Variants in VPS26A observed in about 807,000 individuals in gnomAD.
The protein encoded by VPS26A is VPS26 retromer complex component A, also known as vacuolar protein sorting-associated protein 26A.
VPS26A carries 22 observed loss-of-function variants against 42.4 expected under a neutral mutation model. That is an observed-to-expected ratio of 0.52 (90% confidence interval 0.37 to 0.74). VPS26A has a LOEUF of 0.74. VPS26A is among the 30% of genes least tolerant of loss of function. The probability of loss-of-function intolerance (pLI) is 0.00; values close to 1 mark genes in which losing one functional copy is unlikely to be tolerated. For synonymous variants in VPS26A, 110 were observed against 123.5 expected (o/e 0.89, Z 0.73); for missense variants, 276 against 379.2 (o/e 0.73, Z 2.26).
In VPS26A at chr10:69,148,537, C is replaced by T. The variant is rs192023584; in HGVS notation, c.154-7275C>T. The stretch of plus-strand genomic sequence containing the variant: ...GTTGGAAACTAATTTTGGATAATCA[C>T]AATATCCAGCAACAATAATATACAG... On this transcript the variant is annotated intron_variant, in intron 2 of 8. Transcript: ENST00000263559. Among the ~76,000 whole-genome samples the T allele has an allele frequency of 1.4e-4, 21 of 152,248 alleles. 1 individual carries two copies. The highest frequency in any genetic ancestry group is 2.6e-4 in the Non-Finnish European group (18 of 68,008).
At chr10:69,168,871 G>A (rs1452565406) in intron 8 of VPS26A, among the ~76,000 whole-genome samples, 1 of 151,902 alleles carries the variant, frequency 6.6e-6, no homozygotes, top group Non-Finnish European at 1.5e-5. Context: ...TCTCTTACAA[G>A]TTCTTTTGTT....
chr10:69,128,866 C>A lies in VPS26A; in HGVS notation c.4-4032C>A, dbSNP rs1840714724. Among the ~76,000 whole-genome samples, 2 of 151,666 alleles carry A rather than the reference C, an allele frequency of 1.3e-5. 1 individual carries two copies. The highest frequency in any genetic ancestry group is 4.2e-4 in the South Asian group (2 of 4,800). The stretch of plus-strand genomic sequence containing the variant: ...TAAAAACGAGCCAGGTGTTGTGGCT[C>A]ACGCCTGTAGTCCCAGCTACTTGGG... On this transcript the variant is annotated intron_variant, in intron 1 of 8. Transcript: ENST00000263559.
intron 2 of VPS26A, among the ~76,000 whole-genome samples, chr10:69,136,062 T>G (rs912023852): frequency 2.0e-5 from 3 of 152,176 alleles, no homozygotes; most frequent in Non-Finnish European, 4.4e-5. Context: ...CAATATCTGT[T>G]GAAGAACACT....
intron 2 of VPS26A, among the ~76,000 whole-genome samples, chr10:69,137,451 A>G (rs566583601): frequency 6.6e-6 from 1 of 152,258 alleles, no homozygotes; most frequent in East Asian, 1.9e-4. Flanking sequence ...TTGTTGTGCT[A>G]TGACTGATAC....
At chr10:69,169,757 C>T (rs1372739218) in intron 8 of VPS26A, among the ~76,000 whole-genome samples, 1 of 151,878 alleles carries the variant, frequency 6.6e-6, no homozygotes, top group African/African-American at 2.4e-5. Context: ...TATAGGTATG[C>T]ACCACCACAC....
chr10:69,161,255 C>T (rs1841555898), intron 5 of VPS26A, among the ~76,000 whole-genome samples: 1 of 151,966 alleles, frequency 6.6e-6, no homozygotes, highest in African/African-American at 2.4e-5. Context: ...GAGATTACAT[C>T]CCCCTATGTT....
At chr10:69,145,270 G>A (rs1339859386) in intron 2 of VPS26A, among the ~76,000 whole-genome samples, 1 of 152,028 alleles carries the variant, frequency 6.6e-6, no homozygotes, top group Non-Finnish European at 1.5e-5. Context: ...CATGACCTCA[G>A]GTGATCCACA....
rs767465234 is a variant in VPS26A, at chr10:69,171,504, CT to C, written c.*246del. 0.08 allele frequency: 22,274 copies of C among 277,166 alleles called. No homozygotes were observed. Among genetic ancestry groups the C allele is most frequent in the South Asian group, 0.14 (2,005 of 14,640 alleles). The allele number at this position is 277,166 out of a possible 1,614,324, so 17.2% of individuals were successfully genotyped here. A position where few individuals can be genotyped will look rare whatever the true frequency, so the allele number is the denominator to read the frequency against. ...AAACACTGGAACTTTGTTAAGCTGC[CT>C]TTTTTTTTTTAACTTCCTACTTTGA... On this transcript the variant is annotated 3_prime_UTR_variant, in exon 9 of 9. Transcript: ENST00000263559.
intron 2 of VPS26A, among the ~76,000 whole-genome samples, chr10:69,136,035 T>C (rs1175268945): frequency 6.6e-6 from 1 of 152,160 alleles, no homozygotes; most frequent in African/African-American, 2.4e-5. Context: ...TCCCTCTTCA[T>C]ACCTTTCTTT....
intron 6 of VPS26A, among the ~76,000 whole-genome samples, chr10:69,165,046 G>C (rs1589364709): frequency 6.6e-6 from 1 of 151,736 alleles, no homozygotes; most frequent in South Asian, 2.1e-4. Context: ...TCCTGCCTCA[G>C]CCTCCTGAGT....
intron 2 of VPS26A, among the ~76,000 whole-genome samples, chr10:69,133,314 A>C (rs1840828610): frequency 6.6e-6 from 1 of 152,092 alleles, no homozygotes; most frequent in African/African-American, 2.4e-5. Context: ...ATGAAAAAAA[A>C]AATATTTTTT....
rs911470239 is a variant in VPS26A at position 69,173,574 on chromosome 10, G to A, written c.*2305G>A. ...GAAGCCAGCTGGACTTCTGAGTTGC[G>A]TGGGGACTTGGAGAACTTTTCTGTC... On this transcript the variant is annotated 3_prime_UTR_variant, in exon 9 of 9. Coordinates refer to ENST00000263559, the MANE Select transcript of VPS26A (RefSeq NM_004896.5). Among the ~76,000 whole-genome samples, 10 of 152,222 alleles carry A rather than the reference G, an allele frequency of 6.6e-5. No individual in the cohort carries two copies. The highest frequency in any genetic ancestry group is 1.2e-4 in the Non-Finnish European group (8 of 68,030).
At chr10:69,144,405 C>T (rs1224232708) in intron 2 of VPS26A, among the ~76,000 whole-genome samples, 1 of 152,150 alleles carries the variant, frequency 6.6e-6, no homozygotes, top group African/African-American at 2.4e-5. Flanking sequence ...GTGTTTCATT[C>T]ACCTAGTCAT....
intron 1 of VPS26A, among the ~76,000 whole-genome samples, chr10:69,124,800 T>A (rs1840614080): frequency 1.3e-5 from 2 of 152,236 alleles, no homozygotes. Context: ...TCAGGCTTTC[T>A]GTTGACACTT....
intron 8 of VPS26A, chr10:69,170,294 A>G (rs1167966511): frequency 6.6e-6 from 1 of 152,234 alleles, no homozygotes; most frequent in African/African-American, 2.4e-5. Context: ...TTAAACATAC[A>G]TGATTTATAA....
At chr10:69,169,699 C>G (rs1186613124) in intron 8 of VPS26A, among the ~76,000 whole-genome samples, 1 of 152,000 alleles carries the variant, frequency 6.6e-6, no homozygotes, top group East Asian at 1.9e-4. Context: ...ACCTTCACCT[C>G]CCGGGTTCAA....
intron 2 of VPS26A, among the ~76,000 whole-genome samples, chr10:69,148,332 A>C (rs1841210467): frequency 6.6e-6 from 1 of 152,056 alleles, no homozygotes; most frequent in South Asian, 2.1e-4. Context: ...CTTAGAGTGA[A>C]CTCTGGATCT....
intron 2 of VPS26A, among the ~76,000 whole-genome samples, chr10:69,153,690 T>G (rs1310984492): frequency 6.6e-6 from 1 of 152,090 alleles, no homozygotes; most frequent in African/African-American, 2.4e-5. Flanking sequence ...TTCACAGATA[T>G]CTTTCTCAAA....
At chr10:69,170,099 C>G (rs1240877268) in intron 8 of VPS26A, 1 of 152,128 alleles carries the variant, frequency 6.6e-6, no homozygotes, top group Non-Finnish European at 1.5e-5. Flanking sequence ...ATTACCCTGT[C>G]CTAAGTACTG....
Sources: gnomAD v4.1 joint callset for allele counts (sites outside exome capture counted in the v4.1 genomes callset) on GRCh38, gnomAD v4.1.1 for gene constraint, MANE v1.5 for transcripts, NCBI Gene and HGNC (gene_info 2026-07-23, HGNC 2026-07-21) for gene names.